PDE5A: variants seen among roughly 807,000 people sequenced by gnomAD.
PDE5A encodes the protein cGMP-specific 3',5'-cyclic phosphodiesterase.
Under a neutral mutation model 110.2 loss-of-function variants are expected in PDE5A, and 67 were observed. That is an observed-to-expected ratio of 0.61 (90% CI 0.50 to 0.75). The LOEUF is 0.75. PDE5A is among the 30% of genes least tolerant of loss of function. The pLI is 0.00. For missense variants in PDE5A, 862 were observed against 1,045.1 expected, an observed-to-expected ratio of 0.82 and a Z score of 2.42; for synonymous variants, 328 against 351.2, an observed-to-expected ratio of 0.93 and a Z score of 0.74.
chr4:119,606,640 G>T, intron 2 of PDE5A, 69 bp downstream of exon 2: 1 of 1,067,934 alleles, frequency 9.4e-7, no homozygotes, highest in Non-Finnish European at 1.4e-6. Flanking sequence ...CAATGCCCCA[G>T]CCATAGTACC....
intron 18 of PDE5A, among the ~76,000 whole-genome samples, chr4:119,504,049 A>C (rs1355474231): frequency 6.6e-6 from 1 of 152,042 alleles, no homozygotes; most frequent in Non-Finnish European, 1.5e-5. Flanking sequence ...CCCATTACCC[A>C]AACAGTGAAC....
At chr4:119,513,838 G>A (rs901532280) in intron 14 of PDE5A, among the ~76,000 whole-genome samples, 13 of 152,298 alleles carry the variant, frequency 8.5e-5, no homozygotes, top group African/African-American at 3.1e-4. Context: ...ACGCAGAAGG[G>A]ACTGTTTCAC....
intron 9 of PDE5A, chr4:119,543,045 T>TACACACACACACAC (rs70944890): frequency 0.17 from 21,619 of 124,202 alleles, 2,732 homozygotes; most frequent in Non-Finnish European, 0.22. Context: ...AAGTTAAACA[T>TACACACACACACAC]ACACACACAC....
Position 119,617,587 on chromosome 4 carries a change from G to A in PDE5A, c.153-10290C>T, listed in dbSNP as rs115100165. Among the ~76,000 whole-genome samples the A allele has an allele frequency of 4.1e-3, 625 of 152,152 alleles. 7 individuals carry two copies. Among genetic ancestry groups the A allele is most frequent in the African/African-American group, 0.014 (600 of 41,530 alleles). On this transcript the variant is annotated intron_variant, in intron 1 of 20. Coordinates refer to ENST00000354960, the MANE Select transcript of PDE5A (RefSeq NM_001083.4). ...TTTATAGAATATTTCTTGGCTTCTA[G>A]AAAAGTAAGGAAAAGAGAAGAAAAA...
intron 1 of PDE5A, among the ~76,000 whole-genome samples, chr4:119,620,993 T>C (rs1730123361): frequency 6.6e-6 from 1 of 152,222 alleles, no homozygotes; most frequent in Non-Finnish European, 1.5e-5. Flanking sequence ...TAGAACCATA[T>C]CTACTTTGCA....
At chr4:119,626,464 CT>C (rs952941802) in intron 1 of PDE5A, among the ~76,000 whole-genome samples, 7 of 152,092 alleles carry the variant, frequency 4.6e-5, no homozygotes, top group African/African-American at 1.7e-4. Flanking sequence ...TAAACAATAA[CT>C]TTTTTTCTTT....
chr4:119,504,644 T>A (rs201379965), intron 17 of PDE5A, 45 bp from the exon 18 acceptor site: 93 of 1,477,328 alleles, frequency 6.3e-5, no homozygotes, highest in Non-Finnish European at 8.3e-5. Flanking sequence ...TACTTTTGTG[T>A]TATTATATAC....
Position 119,521,027 on chromosome 4 carries a change from T to G in PDE5A, c.1813A>C (p.Asn605His). Reference protein sequence around the residue: ...LCRWILSVKKNYRKNVAYHNW... With the variant: ...LCRWILSVKKHYRKNVAYHNW... ...TGATAGGCAACATTCTTCCGATAATTCTTCTTAACACTTAAAATCCATCTG... is the reference window on the plus strand; with the variant it reads ...TGATAGGCAACATTCTTCCGATAATGCTTCTTAACACTTAAAATCCATCTG... Residue 605 changes from asparagine to histidine, a missense_variant, in exon 13 of 21, where the codon AAT (asparagine) becomes CAT (histidine). Transcript: ENST00000354960. The G allele has an allele frequency of 6.2e-7, 1 of 1,612,850 alleles. No individual in the cohort carries two copies. The highest frequency in any genetic ancestry group is 1.1e-5 in the South Asian group (1 of 91,012).
intron 11 of PDE5A, among the ~76,000 whole-genome samples, chr4:119,532,532 A>C (rs918625877): frequency 1.1e-4 from 16 of 152,190 alleles, no homozygotes; most frequent in African/African-American, 3.9e-4. Flanking sequence ...AACAAAAGGG[A>C]CATACTTGTG....
At position 119,496,709 on chromosome 4, in the gene PDE5A, C is replaced by T. The variant is rs1187632384; in HGVS notation, c.*1892G>A. The T allele has an allele frequency of 6.6e-6, 1 of 152,474 alleles. No individual in the cohort carries two copies. Among genetic ancestry groups the T allele is most frequent in the East Asian group, 1.9e-4 (1 of 5,178 alleles). 9.4% of individuals were successfully genotyped at this position (152,474 alleles called of 1,614,324 possible). ...TTTCTATACTAAGGATTTATGTATG[C>T]ATGCATAAGTATACACCTGTATGTA... On this transcript the variant is annotated 3_prime_UTR_variant, in exon 21 of 21. Transcript: ENST00000354960.
chr4:119,537,366 A>G (rs1160165045), intron 11 of PDE5A, among the ~76,000 whole-genome samples: 2 of 151,946 alleles, frequency 1.3e-5, no homozygotes, highest in African/African-American at 4.8e-5. Context: ...CGTTCTCAAT[A>G]ATCACTTAAT....
chr4:119,534,432 T>G (rs1726658699), intron 11 of PDE5A, among the ~76,000 whole-genome samples: 1 of 151,756 alleles, frequency 6.6e-6, no homozygotes, highest in Non-Finnish European at 1.5e-5. Flanking sequence ...CTTATGAGAA[T>G]CTAATGCCTG....
chr4:119,538,000 C>A (rs1726787594), intron 11 of PDE5A, among the ~76,000 whole-genome samples: 2 of 151,790 alleles, frequency 1.3e-5, no homozygotes, highest in Non-Finnish European at 2.9e-5. Context: ...TTTGAATTGC[C>A]AAGGTCAAAA....
intron 3 of PDE5A, chr4:119,569,648 G>C (rs1238775094): frequency 6.6e-6 from 1 of 152,428 alleles, no homozygotes; most frequent in Non-Finnish European, 1.5e-5. Context: ...AATATAGTAG[G>C]ACAATTACGT....
At chr4:119,507,763 A>G in intron 15 of PDE5A, 59 bp from the exon 16 acceptor site, 2 of 1,012,782 alleles carry the variant, frequency 2.0e-6, no homozygotes, top group Non-Finnish European at 1.5e-6. Context: ...CAAGAACAAA[A>G]TCTAGAAATA....
At chr4:119,603,075 G>A (rs1478788312) in intron 2 of PDE5A, among the ~76,000 whole-genome samples, 3 of 152,220 alleles carry the variant, frequency 2.0e-5, no homozygotes, top group African/African-American at 7.2e-5. Flanking sequence ...GCAATCCTGT[G>A]TAGTTATTGG....
intron 2 of PDE5A, among the ~76,000 whole-genome samples, chr4:119,598,273 G>A (rs1729223569): frequency 6.6e-6 from 1 of 152,104 alleles, no homozygotes; most frequent in African/African-American, 2.4e-5. Flanking sequence ...TGTGTCTACT[G>A]TTAGTTTAAA....
intron 9 of PDE5A, chr4:119,548,846 A>G (rs886291344): frequency 6.6e-6 from 1 of 152,202 alleles, no homozygotes; most frequent in Non-Finnish European, 1.5e-5. Flanking sequence ...ATAACTAAGC[A>G]TAATTTACAA....
chr4:119,615,726 A>G (rs1729919359), intron 1 of PDE5A, among the ~76,000 whole-genome samples: 1 of 152,150 alleles, frequency 6.6e-6, no homozygotes, highest in African/African-American at 2.4e-5. Context: ...AGCTTTTACC[A>G]CAAGTACTAA....
Sources: gnomAD v4.1 joint callset for allele counts (sites outside exome capture counted in the v4.1 genomes callset) on GRCh38, gnomAD v4.1.1 for gene constraint, MANE v1.5 for transcripts, NCBI Gene and HGNC (gene_info 2026-07-23, HGNC 2026-07-21) for gene names.